Variants in TRIO observed in about 807,000 individuals in gnomAD.
TRIO encodes the protein trio Rho guanine nucleotide exchange factor.
Under a neutral mutation model 351.9 loss-of-function variants are expected in TRIO, and 58 were observed. The observed-to-expected ratio is 0.16, with a 90% CI of 0.13 to 0.21. The LOEUF is 0.21. Ranked by LOEUF, TRIO falls within the 10% of genes least tolerant of loss-of-function variation. TRIO has a pLI of 1.00. For synonymous variants in TRIO, 1,758 were observed against 1,595.7 expected (o/e 1.10, Z -2.42); for missense variants, 3,201 against 4,027.8 (o/e 0.79, Z 5.56).
rs112626348 is a variant in TRIO at position 14,507,276 on chromosome 5, G to A, written c.8751+16G>A. On this transcript the variant is annotated intron_variant, in intron 56 of 56. Coordinates refer to ENST00000344204, the MANE Select transcript of TRIO (RefSeq NM_007118.4). The stretch of plus-strand genomic sequence containing the variant: ...GGACCTAAAGGTTGGTGAGGCCCCG[G>A]GCAGGTGAAGGGGGGTCTGAGCACA... 1.9e-4 allele frequency: 309 copies of A among 1,610,686 alleles called. 4 individuals carry two copies. In the African/African-American group the frequency reaches 3.4e-3, roughly 18 times the overall value.
Position 14,358,171 on chromosome 5 carries a change from TC to T in TRIO, c.2047-3del. On this transcript the variant is annotated splice_polypyrimidine_tract_variant and splice_region_variant and intron_variant, in intron 11 of 56. Coordinates refer to ENST00000344204, the MANE Select transcript of TRIO (RefSeq NM_007118.4). The stretch of plus-strand genomic sequence containing the variant: ...GGCCGGCCTCACCCCCCTCTCCCCT[TC>T]CCCAGCTGTGGACGTGGCTGGAGGA... 3.7e-6 allele frequency: 6 copies of T among 1,609,674 alleles called. No individual in the cohort carries two copies. Among genetic ancestry groups the T allele is most frequent in the Non-Finnish European group, 5.1e-6 (6 of 1,176,848 alleles).
chr5:14,160,142 CTT>C (rs879868983), intron 1 of TRIO, among the ~76,000 whole-genome samples: 23 of 152,140 alleles, frequency 1.5e-4, no homozygotes, highest in Admixed American at 1.5e-3. Context: ...CCTCTAAGGA[CTT>C]TTGTTCTTTG....
At chr5:14,245,796 A>G (rs1017336807) in intron 1 of TRIO, among the ~76,000 whole-genome samples, 3 of 152,266 alleles carry the variant, frequency 2.0e-5, no homozygotes, top group Admixed American at 1.3e-4. Flanking sequence ...ATAGCTGGTG[A>G]CCCTGGTGTG....
chr5:14,496,740 A>C, intron 49 of TRIO, 139 bp from the exon 50 acceptor site: 1 of 1,092,216 alleles, frequency 9.2e-7, no homozygotes, highest in Non-Finnish European at 1.3e-6. Flanking sequence ...TTTCTCTAAC[A>C]GAGGTCACAG....
intron 1 of TRIO, among the ~76,000 whole-genome samples, chr5:14,246,471 G>A (rs1794442612): frequency 1.3e-5 from 2 of 152,138 alleles, no homozygotes; most frequent in Admixed American, 1.3e-4. Context: ...GCTCTTGGTC[G>A]CTTCTCAGGC....
intron 2 of TRIO, among the ~76,000 whole-genome samples, chr5:14,276,988 G>C (rs889143864): frequency 2.6e-4 from 40 of 152,318 alleles, no homozygotes; most frequent in African/African-American, 9.4e-4. Context: ...AGTTCCCTTA[G>C]CATCCACAGG....
rs533386148 is a variant in TRIO at position 14,487,794 on chromosome 5, C to T, written c.7166C>T (p.Ala2389Val). The part of the protein sequence containing the change: ...PGAAPEAGPS[A>V]PSRRPPGADA... ...GCGGCCCCCGAGGCCGGCCCCAGCG[C>T]GCCCAGCAGGCGGCCCCCCGGCGCG... The change falls in exon 48 of 57, where the codon GCG becomes GTG. Residue 2389 changes from alanine to valine, a missense_variant. Physicochemically the swap from Ala to Val is moderately conservative, Grantham distance 64. Coordinates refer to ENST00000344204, the MANE Select transcript of TRIO (RefSeq NM_007118.4). 2.4e-4 allele frequency: 336 copies of T among 1,398,228 alleles called. 1 individual carries two copies. In the African/African-American group the frequency reaches 4.3e-3, roughly 18 times the overall value. 86.6% of individuals were successfully genotyped at this position (1,398,228 alleles called of 1,614,324 possible).
chr5:14,294,223 G>T (rs1287497372), intron 6 of TRIO, among the ~76,000 whole-genome samples: 2 of 152,078 alleles, frequency 1.3e-5, no homozygotes, highest in Non-Finnish European at 2.9e-5. Context: ...TGAAGACAGG[G>T]TTTTTGTTTA....
At chr5:14,309,092 A>AC (rs1738673703) in intron 8 of TRIO, among the ~76,000 whole-genome samples, 1 of 1,460 alleles carries the variant, frequency 6.8e-4, no homozygotes, top group African/African-American at 2.3e-3. Context: ...ACCCATCCAC[A>AC]CATTATCTAC....
chr5:14,281,953 T>C (rs1458682001), intron 3 of TRIO, among the ~76,000 whole-genome samples: 1 of 152,204 alleles, frequency 6.6e-6, no homozygotes, highest in African/African-American at 2.4e-5. Flanking sequence ...CCTGTGTAGG[T>C]TGACACAAGC....
At chr5:14,454,198 G>A (rs906373641) in intron 34 of TRIO, among the ~76,000 whole-genome samples, 4 of 152,072 alleles carry the variant, frequency 2.6e-5, no homozygotes, top group African/African-American at 7.2e-5. Context: ...CAAAGTGCTG[G>A]GATTACAGGC....
chr5:14,342,784 T>C (rs1236077866), intron 11 of TRIO, among the ~76,000 whole-genome samples: 1 of 152,210 alleles, frequency 6.6e-6, no homozygotes, highest in Non-Finnish European at 1.5e-5. Context: ...ACCCCACATA[T>C]ACACACATGC....
At chr5:14,210,079 GC>G (rs1388727175) in intron 1 of TRIO, among the ~76,000 whole-genome samples, 2 of 152,246 alleles carry the variant, frequency 1.3e-5, no homozygotes, top group East Asian at 3.8e-4. Flanking sequence ...AACTAGGGCA[GC>G]GAGTGCAGGG....
At chr5:14,184,043 T>A (rs1430678777) in intron 1 of TRIO, 1 of 689,514 alleles carries the variant, frequency 1.5e-6, no homozygotes, top group East Asian at 2.7e-5. Context: ...CTAGGAGGAC[T>A]GTTGATGGAC....
chr5:14,224,091 A>AT (rs1462881479), intron 1 of TRIO, among the ~76,000 whole-genome samples: 1 of 152,094 alleles, frequency 6.6e-6, no homozygotes, highest in Non-Finnish European at 1.5e-5. Context: ...TATTTTGAGA[A>AT]TTTTATGTTT....
Position 14,504,488 on chromosome 5 carries a change from A to T in TRIO, c.8507A>T (p.Gln2836Leu). The T allele has an allele frequency of 6.2e-7, 1 of 1,614,136 alleles. No individual in the cohort carries two copies. The highest frequency in any genetic ancestry group is 8.5e-7 in the Non-Finnish European group (1 of 1,180,022). Residue 2836 changes from glutamine to leucine, a missense_variant, in exon 55 of 57, where the codon CAG becomes CTG. Around this residue, in one of 19 missense-constraint regions of TRIO, gnomAD observed 1,089 missense variants for 954.9 expected, o/e 1.14. Coordinates refer to ENST00000344204, the MANE Select transcript of TRIO (RefSeq NM_007118.4). ...FVNKKLMKRD[Q>L]VTHELGILQS... ...AACAAGAAGTTGATGAAGCGCGACC[A>T]GGTCACCCATGAGCTTGGCATCCTG...
chr5:14,223,378 ACAGCAGATCT>A (rs1395702270), intron 1 of TRIO, among the ~76,000 whole-genome samples: 1 of 152,202 alleles, frequency 6.6e-6, no homozygotes, highest in East Asian at 1.9e-4. Context: ...TGTGTGGGAC[ACAGCAGATCT>A]CAGCGTGCAC....
chr5:14,497,756 T>C lies in TRIO; in HGVS notation c.8020-91T>C. 3 of 1,553,872 alleles carry C rather than the reference T, an allele frequency of 1.9e-6. No individual in the cohort carries two copies. Among genetic ancestry groups the C allele is most frequent in the Non-Finnish European group, 2.7e-6 (3 of 1,126,570 alleles). ...GCCCAGGCAAGTCAGTTTCTGCAAA[T>C]CTTTCAACAATAATTGTAGCCCTGG... is the stretch of plus-strand genomic sequence containing the variant. On this transcript the variant is annotated intron_variant, in intron 50 of 56. Transcript: ENST00000344204. This position sits in a 1 kb window ranked among gnomAD's most constrained non-coding sequence, Gnocchi z 4.4.
At chr5:14,323,653 G>T (rs1027051834) in intron 9 of TRIO, among the ~76,000 whole-genome samples, 17 of 152,218 alleles carry the variant, frequency 1.1e-4, no homozygotes, top group Admixed American at 9.2e-4. Flanking sequence ...AGACAGCTGG[G>T]GGTGAATAAT....
Sources: gnomAD v4.1 joint callset for allele counts (sites outside exome capture counted in the v4.1 genomes callset) on GRCh38, gnomAD v4.1.1 for gene constraint, gnomAD v4.1.1 regional missense constraint, Gnocchi (gnomAD v3.1) non-coding constraint, MANE v1.5 for transcripts, NCBI Gene and HGNC (gene_info 2026-07-23, HGNC 2026-07-21) for gene names.